CMTM1: variants seen among roughly 807,000 people sequenced by gnomAD.
The protein encoded by CMTM1 is CKLF-like MARVEL transmembrane domain-containing protein 1.
CMTM1 carries 16 observed loss-of-function variants against 17.8 expected under a neutral mutation model. That is an observed-to-expected ratio of 0.90 (90% CI 0.61 to 1.37). The LOEUF (loss-of-function observed/expected upper bound fraction) is 1.37. CMTM1 is among the 40% of genes most tolerant of loss of function. The pLI is 0.00. For missense variants in CMTM1, 354 were observed against 375.6 expected, an observed-to-expected ratio of 0.94 and a Z score of 0.47; for synonymous variants, 169 against 154.6, an observed-to-expected ratio of 1.09 and a Z score of -0.69.
At position 66,566,902 on chromosome 16, in the gene CMTM1, G is replaced by T. The variant is rs1355175914; in HGVS notation, c.389G>T (p.Arg130Leu). Residue 130 changes from arginine to leucine, a missense_variant, in exon 1 of 4, where the codon CGT becomes CTT. By Grantham distance (102) the Arg-to-Leu change is moderately radical. Transcript: ENST00000379500. The surrounding 1 kb of genome is among the most constrained non-coding windows in gnomAD (Gnocchi z 4.9). ...VPYKFRDSLK[R>L]FSFSPTGMLK... ...TACAAATTCAGGGACAGCCTCAAAC[G>T]TTTCTCCTTCTCGCCCACTGGAATG... 1.9e-6 allele frequency: 3 copies of T among 1,614,094 alleles called. No individual in the cohort carries two copies. The highest frequency in any genetic ancestry group is 1.7e-6 in the Non-Finnish European group (2 of 1,180,004).
chr16:66,575,223 A>G, intron 2 of CMTM1: 1 of 985,338 alleles, frequency 1.0e-6, no homozygotes, highest in Non-Finnish European at 1.2e-6. Flanking sequence ...ATCTGTTAAC[A>G]TTTTGAGGGC....
chr16:66,566,899 A>G lies in CMTM1; in HGVS notation c.386A>G (p.Lys129Arg), dbSNP rs376013371. ...CCGTACAAATTCAGGGACAGCCTCA[A>G]ACGTTTCTCCTTCTCGCCCACTGGA... ...KVPYKFRDSL[K>R]RFSFSPTGML... The change falls in exon 1 of 4, where the codon AAA becomes AGA. Residue 129 changes from lysine to arginine, a missense_variant. Lys to Arg is a conservative substitution (Grantham distance 26). Transcript: ENST00000379500. The surrounding 1 kb of genome is among the most constrained non-coding windows in gnomAD (Gnocchi z 4.9). 5 of 1,614,114 alleles carry G rather than the reference A, an allele frequency of 3.1e-6. No homozygotes were observed. In the African/African-American group the frequency reaches 4.0e-5, roughly 13 times the overall value.
At chr16:66,572,280 G>A (rs1473518626) in intron 2 of CMTM1, among the ~76,000 whole-genome samples, 1 of 152,202 alleles carries the variant, frequency 6.6e-6, no homozygotes, top group Non-Finnish European at 1.5e-5. Flanking sequence ...CAGATGGTAA[G>A]TGATTTAATT....
intron 3 of CMTM1, among the ~76,000 whole-genome samples, chr16:66,578,202 T>C (rs2014493928): frequency 6.6e-6 from 1 of 152,108 alleles, no homozygotes; most frequent in East Asian, 1.9e-4. Context: ...CACCCCCAGG[T>C]ATCCATTTCT....
In CMTM1 at chr16:66,566,489, G is replaced by C; in HGVS notation, c.-25G>C. ...CAGCCGCTGCCGCGGCACTGGTTCA[G>C]ACGGCCAGGCCCTAGGGACCCACCA... On this transcript the variant is annotated 5_prime_UTR_variant, in exon 1 of 4. Coordinates refer to ENST00000379500, the MANE Select transcript of CMTM1 (RefSeq NM_052999.4). The surrounding 1 kb of genome is among the most constrained non-coding windows in gnomAD (Gnocchi z 4.9). 1 of 1,562,768 alleles carries C rather than the reference G, an allele frequency of 6.4e-7. No homozygotes were observed. The highest frequency in any genetic ancestry group is 1.2e-5 in the South Asian group (1 of 84,620).
At position 66,566,582 on chromosome 16, in the gene CMTM1, T is replaced by TGCCGCAGCCCTGGCAAGTA; in HGVS notation, c.72_90dup (p.Gly31ArgfsTer6). The TGCCGCAGCCCTGGCAAGTA allele has an allele frequency of 6.2e-7, 1 of 1,614,044 alleles. No individual in the cohort carries two copies. The highest frequency in any genetic ancestry group is 8.5e-7 in the Non-Finnish European group (1 of 1,179,988). ...CAGGGAACTTGAAACAACCGGAGAC[T>TGCCGCAGCCCTGGCAAGTA]GCCGCAGCCCTGGCAAGTAGCGGCA... On this transcript the variant is annotated frameshift_variant, in exon 1 of 4. Coordinates refer to ENST00000379500, the MANE Select transcript of CMTM1 (RefSeq NM_052999.4). LOFTEE classifies it high-confidence loss of function. The surrounding 1 kb of genome is among the most constrained non-coding windows in gnomAD (Gnocchi z 4.9).
At chr16:66,577,010 A>G in intron 2 of CMTM1, 94 bp from the exon 3 acceptor site, 10 of 1,087,618 alleles carry the variant, frequency 9.2e-6, no homozygotes, top group Non-Finnish European at 1.3e-5. Context: ...GGTTTTTTAA[A>G]GGCATCTATT....
chr16:66,568,532 C>T (rs1007515010), intron 1 of CMTM1, among the ~76,000 whole-genome samples: 8 of 152,082 alleles, frequency 5.3e-5, no homozygotes, highest in Non-Finnish European at 8.8e-5. Flanking sequence ...ATGATGCCTA[C>T]ACCATGAGTC....
At chr16:66,577,758 T>C (rs1319682100) in intron 3 of CMTM1, among the ~76,000 whole-genome samples, 1 of 152,218 alleles carries the variant, frequency 6.6e-6, no homozygotes, top group Non-Finnish European at 1.5e-5. Flanking sequence ...AATACCTTGC[T>C]CTGGGCCACA....
Position 66,566,492 on chromosome 16 carries a change from G to T in CMTM1, c.-22G>T. ...CCGCTGCCGCGGCACTGGTTCAGACGGCCAGGCCCTAGGGACCCACCATGG... is the reference window on the plus strand; with the variant it reads ...CCGCTGCCGCGGCACTGGTTCAGACTGCCAGGCCCTAGGGACCCACCATGG... On this transcript the variant is annotated 5_prime_UTR_variant, in exon 1 of 4. Transcript: ENST00000379500. The surrounding 1 kb of genome is among the most constrained non-coding windows in gnomAD (Gnocchi z 4.9). The T allele has an allele frequency of 1.9e-6, 3 of 1,568,080 alleles. No homozygotes were observed. The highest frequency in any genetic ancestry group is 2.2e-5 in the East Asian group (1 of 44,500).
At chr16:66,571,921 T>G (rs750793169) in intron 2 of CMTM1, among the ~76,000 whole-genome samples, 10 of 152,254 alleles carry the variant, frequency 6.6e-5, no homozygotes, top group Non-Finnish European at 1.3e-4. Context: ...GAGTGTCCTA[T>G]GAGAGAACCT....
chr16:66,578,228 A>C (rs2014497453), intron 3 of CMTM1, among the ~76,000 whole-genome samples: 2 of 152,122 alleles, frequency 1.3e-5, no homozygotes, highest in Admixed American at 1.3e-4. Flanking sequence ...GGATGGCAGC[A>C]TCCCACCCCA....
At chr16:66,567,039 A>G (rs1023360231) in intron 1 of CMTM1, 94 bp downstream of exon 1, 4 of 1,334,698 alleles carry the variant, frequency 3.0e-6, no homozygotes, top group African/African-American at 2.9e-5. Context: ...GAAACCTTCC[A>G]TAATTCACTT....
At position 66,566,694 on chromosome 16, in the gene CMTM1, G is replaced by GCGCAGTC; in HGVS notation, c.187_193dup (p.Ala65ValfsTer11). On this transcript the variant is annotated frameshift_variant, in exon 1 of 4. Coordinates refer to ENST00000379500, the MANE Select transcript of CMTM1 (RefSeq NM_052999.4). LOFTEE classifies it high-confidence loss of function. The surrounding 1 kb of genome is among the most constrained non-coding windows in gnomAD (Gnocchi z 4.9). ...GCACCCCGCAGTCTCAATTCGCAGT[G>GCGCAGTC]CGCAGTCCGCAGCCGCCGCACGTCC... 1.2e-6 allele frequency: 2 copies of GCGCAGTC among 1,613,894 alleles called. No homozygotes were observed. The highest frequency in any genetic ancestry group is 2.2e-5 in the South Asian group (2 of 91,074).
At chr16:66,567,154 C>CTTTTTT (rs58132277) in intron 1 of CMTM1, 7 of 556,548 alleles carry the variant, frequency 1.3e-5, no homozygotes, top group African/African-American at 9.7e-5. Context: ...CCTATTTTTT[C>CTTTTTT]TTTTTTTTTT....
intron 2 of CMTM1, among the ~76,000 whole-genome samples, chr16:66,570,670 C>T (rs1213105211): frequency 6.6e-6 from 1 of 152,210 alleles, no homozygotes; most frequent in African/African-American, 2.4e-5. Context: ...CTAAAGCTAA[C>T]CCCTCAGGTC....
At chr16:66,578,682 G>T in intron 3 of CMTM1, 149 bp from the exon 4 acceptor site, 1 of 1,046,026 alleles carries the variant, frequency 9.6e-7, no homozygotes, top group Non-Finnish European at 1.4e-6. Flanking sequence ...GCAGCCAATT[G>T]GGCAGGCGCC....
At chr16:66,568,910 A>G (rs957589309) in intron 1 of CMTM1, among the ~76,000 whole-genome samples, 10 of 152,058 alleles carry the variant, frequency 6.6e-5, no homozygotes, top group African/African-American at 2.2e-4. Flanking sequence ...GAGGTAAAAT[A>G]TATGCTTTCT....
intron 1 of CMTM1, 190 bp downstream of exon 1, chr16:66,567,135 CTT>C (rs913505885): frequency 3.1e-6 from 2 of 649,080 alleles, no homozygotes; most frequent in African/African-American, 3.9e-5. Flanking sequence ...AAACTTGCCT[CTT>C]TTTTTCCCTA....
Sources: gnomAD v4.1 joint callset for allele counts (sites outside exome capture counted in the v4.1 genomes callset) on GRCh38, gnomAD v4.1.1 for gene constraint, Gnocchi (gnomAD v3.1) non-coding constraint, MANE v1.5 for transcripts, NCBI Gene and HGNC (gene_info 2026-07-23, HGNC 2026-07-21) for gene names.